Variants in GARNL3 observed in about 807,000 individuals in gnomAD.
The protein encoded by GARNL3 is GTPase-activating Rap/Ran-GAP domain-like protein 3.
In GARNL3, 63 loss-of-function variants were observed where a neutral mutation model predicts 125.0. The observed-to-expected ratio is 0.50, with a 90% CI of 0.41 to 0.62. GARNL3 has a LOEUF of 0.62. GARNL3 is among the 20% of genes least tolerant of loss of function. The probability of loss-of-function intolerance (pLI) is 0.00; values close to 1 mark genes in which losing one functional copy is unlikely to be tolerated. For synonymous variants in GARNL3, 439 were observed against 457.5 expected (o/e 0.96, Z 0.52); for missense variants, 994 against 1,244.0 (o/e 0.80, Z 3.02).
chr9:127,383,572 T>A (rs1287899313), intron 23 of GARNL3, 27 bp downstream of exon 23: 1 of 1,455,890 alleles, frequency 6.9e-7, no homozygotes, highest in South Asian at 1.2e-5. Flanking sequence ...TCATAATGCT[T>A]TTCTCCTTCA....
At chr9:127,248,153 G>A (rs57769155) in intron 2 of GARNL3, among the ~76,000 whole-genome samples, 11,139 of 152,184 alleles carry the variant, frequency 0.073, 1,354 homozygotes, top group African/African-American at 0.25. Context: ...TTTACTGTTA[G>A]GAGGAATTCT....
intron 1 of GARNL3, among the ~76,000 whole-genome samples, chr9:127,283,474 C>T (rs1215100963): frequency 1.3e-5 from 2 of 152,078 alleles, no homozygotes; most frequent in East Asian, 3.9e-4. Flanking sequence ...AGTTCGAGAC[C>T]AGTCTGGGCA....
chr9:127,258,169 A>G (rs1287851936), intron 2 of GARNL3, among the ~76,000 whole-genome samples: 3 of 152,184 alleles, frequency 2.0e-5, no homozygotes, highest in Non-Finnish European at 4.4e-5. Flanking sequence ...CAAGGAACAC[A>G]TGGTATTGTA....
intron 2 of GARNL3, among the ~76,000 whole-genome samples, chr9:127,306,842 G>A (rs993594260): frequency 1.3e-5 from 2 of 151,984 alleles, no homozygotes; most frequent in South Asian, 2.1e-4. Context: ...CCAAGATCAC[G>A]CCGCTGCACT....
intron 2 of GARNL3, among the ~76,000 whole-genome samples, chr9:127,301,525 T>C (rs1242056597): frequency 6.6e-6 from 1 of 152,204 alleles, no homozygotes; most frequent in Non-Finnish European, 1.5e-5. Flanking sequence ...AATTTCCTAA[T>C]GGGTAAAAAG....
At chr9:127,357,099 G>A in intron 20 of GARNL3, 120 bp from the exon 21 acceptor site, 1 of 919,264 alleles carries the variant, frequency 1.1e-6, no homozygotes, top group Non-Finnish European at 1.7e-6. Context: ...GTAGCACGGG[G>A]CTCTGCAGGA....
chr9:127,352,998 C>A (rs898294389), intron 17 of GARNL3, among the ~76,000 whole-genome samples: 3 of 152,164 alleles, frequency 2.0e-5, no homozygotes, highest in African/African-American at 4.8e-5. Context: ...CAGAACAGAC[C>A]CTTTTGCTTA....
chr9:127,369,609 A>G (rs1024423727), intron 22 of GARNL3, among the ~76,000 whole-genome samples: 2 of 152,192 alleles, frequency 1.3e-5, no homozygotes, highest in African/African-American at 4.8e-5. Context: ...CCTTGGACCC[A>G]GCGAGGTGGA....
At position 127,266,876 on chromosome 9, in the gene GARNL3, A is replaced by G. The variant is rs911575265; in HGVS notation, c.144+1855A>G. ...CATGGGTGTGAAAGATGGACTCTTT[A>G]AAGATGTGGGGAAATCACAGAATAT... On this transcript the variant is annotated intron_variant, in intron 1 of 27. Coordinates refer to ENST00000373387, the MANE Select transcript of GARNL3 (RefSeq NM_032293.5). This position sits in a 1 kb window ranked among gnomAD's most constrained non-coding sequence, Gnocchi z 4.0. 6.6e-6 allele frequency among the ~76,000 whole-genome samples: 1 copy of G among 152,178 alleles called. No homozygotes were observed. The highest frequency in any genetic ancestry group is 2.4e-5 in the African/African-American group (1 of 41,438).
chr9:127,251,304 C>A (rs2063398342), intron 2 of GARNL3, among the ~76,000 whole-genome samples: 1 of 152,130 alleles, frequency 6.6e-6, no homozygotes, highest in African/African-American at 2.4e-5. Flanking sequence ...TCCTATATTT[C>A]CGTGAGTTTG....
At chr9:127,226,689 T>C (rs984544980) in intron 1 of GARNL3, among the ~76,000 whole-genome samples, 1 of 152,234 alleles carries the variant, frequency 6.6e-6, no homozygotes, top group African/African-American at 2.4e-5. Context: ...TTGAGCTCTT[T>C]GCTGTATTAA....
At chr9:127,297,936 G>T (rs1021024673) in intron 2 of GARNL3, among the ~76,000 whole-genome samples, 1 of 152,162 alleles carries the variant, frequency 6.6e-6, no homozygotes, top group African/African-American at 2.4e-5. Flanking sequence ...AAACTGTTCA[G>T]TTTCTCTTAT....
rs756804584 is a variant in GARNL3, at chr9:127,373,937, C to T, written c.2161+8571C>T. On this transcript the variant is annotated intron_variant, in intron 22 of 27. Coordinates refer to ENST00000373387, the MANE Select transcript of GARNL3 (RefSeq NM_032293.5). ...ACAAGAATCACCTGAACCCAAGAGG[C>T]GGAGACTGCAGTGAGCCAAGATCAG... Among the ~76,000 whole-genome samples, 6 of 152,016 alleles carry T rather than the reference C, an allele frequency of 3.9e-5. No homozygotes were observed. In the East Asian group the frequency reaches 5.8e-4, roughly 15 times the overall value.
At chr9:127,287,296 A>G (rs2064278367) in intron 1 of GARNL3, among the ~76,000 whole-genome samples, 1 of 152,114 alleles carries the variant, frequency 6.6e-6, no homozygotes. Context: ...TGACATTTAG[A>G]TGGGTTCTGA....
chr9:127,294,361 G>A (rs2064519736), intron 2 of GARNL3, among the ~76,000 whole-genome samples: 1 of 152,152 alleles, frequency 6.6e-6, no homozygotes, highest in South Asian at 2.1e-4. Flanking sequence ...CTGGAGTGCA[G>A]TGACACTATC....
At chr9:127,226,474 C>G (rs1564832212) in intron 1 of GARNL3, among the ~76,000 whole-genome samples, 2 of 152,216 alleles carry the variant, frequency 1.3e-5, no homozygotes, top group Admixed American at 6.5e-5. Context: ...GTGCCCAGAG[C>G]TGGCTCAGGC....
At chr9:127,358,721 G>A (rs1406906461) in intron 21 of GARNL3, among the ~76,000 whole-genome samples, 8 of 152,170 alleles carry the variant, frequency 5.3e-5, no homozygotes, top group Non-Finnish European at 1.2e-4. Flanking sequence ...AGACTTGTCT[G>A]CAATTGGAGT....
intron 22 of GARNL3, among the ~76,000 whole-genome samples, chr9:127,379,157 C>T (rs190047071): frequency 6.6e-6 from 1 of 152,310 alleles, no homozygotes; most frequent in East Asian, 1.9e-4. Flanking sequence ...AGAAGCAAAG[C>T]AAAGCAAGTA....
At chr9:127,351,475 T>TAA (rs145020779) in intron 17 of GARNL3, among the ~76,000 whole-genome samples, 1 of 149,276 alleles carries the variant, frequency 6.7e-6, no homozygotes, top group African/African-American at 2.5e-5. Flanking sequence ...TGTTTTTGCT[T>TAA]AAAAAAAAAA....
Sources: gnomAD v4.1 joint callset for allele counts (sites outside exome capture counted in the v4.1 genomes callset) on GRCh38, gnomAD v4.1.1 for gene constraint, Gnocchi (gnomAD v3.1) non-coding constraint, MANE v1.5 for transcripts, NCBI Gene and HGNC (gene_info 2026-07-23, HGNC 2026-07-21) for gene names.